Variants in REPS2 observed in about 807,000 individuals in gnomAD.
REPS2 encodes the protein RALBP1 associated Eps domain containing 2, also known as ralBP1-associated Eps domain-containing protein 2.
Under a neutral mutation model 53.6 loss-of-function variants are expected in REPS2, and 23 were observed. The ratio of observed to expected loss-of-function variants is 0.43; its 90% CI spans 0.31 to 0.61. REPS2 has a LOEUF of 0.61. Among genes scored for constraint, REPS2 ranks in the 20% least tolerant of loss-of-function variants. REPS2 has a pLI of 0.11. For synonymous variants in REPS2, 238 were observed against 218.6 expected, an observed-to-expected ratio of 1.09 and a Z score of -0.78; for missense variants, 446 against 534.9, an observed-to-expected ratio of 0.83 and a Z score of 1.64.
At chrX:17,098,224 G>A (rs971578045) in intron 13 of REPS2, among the ~76,000 whole-genome samples, 9 of 111,464 alleles carry the variant, frequency 8.1e-5, no homozygotes, top group Non-Finnish European at 1.5e-4. Flanking sequence ...TTTAATATTA[G>A]ACAATCCAGA....
intron 9 of REPS2, among the ~76,000 whole-genome samples, chrX:17,066,165 G>C (rs1263045001): frequency 8.9e-6 from 1 of 112,026 alleles, no homozygotes; most frequent in Non-Finnish European, 1.9e-5. Context: ...ACAGTGTCTT[G>C]ATAATTTTAG....
chrX:17,074,240 A>C, intron 12 of REPS2, 81 bp downstream of exon 12: 1 of 886,328 alleles, frequency 1.1e-6, no homozygotes, highest in Non-Finnish European at 1.6e-6. Flanking sequence ...CCAAAACCCA[A>C]CCCATGATTT....
chrX:17,021,126 A>T (rs1340704892), intron 2 of REPS2, among the ~76,000 whole-genome samples: 1 of 112,093 alleles, frequency 8.9e-6, no homozygotes, highest in Non-Finnish European at 1.9e-5. Flanking sequence ...GAGCTGATGG[A>T]AGTGCAAAGG....
intron 7 of REPS2, among the ~76,000 whole-genome samples, chrX:17,053,698 T>G (rs1313155352): frequency 8.9e-6 from 1 of 112,113 alleles, no homozygotes; most frequent in African/African-American, 3.2e-5. Context: ...TTGAAAAGAA[T>G]ACCATTTGTT....
chrX:17,113,098 A>C, intron 14 of REPS2, among the ~76,000 whole-genome samples: 1 of 91,376 alleles, frequency 1.1e-5, no homozygotes, highest in Admixed American at 1.3e-4. Flanking sequence ...TCTCAAAAAA[A>C]AAAAAAAAAA....
At chrX:17,040,572 A>G (rs1375832220) in intron 5 of REPS2, among the ~76,000 whole-genome samples, 2 of 112,048 alleles carry the variant, frequency 1.8e-5, no homozygotes, top group East Asian at 5.6e-4. Context: ...AACAAGATTG[A>G]TCAAGCATAA....
At chrX:16,964,933 C>G in intron 1 of REPS2, among the ~76,000 whole-genome samples, 1 of 79,378 alleles carries the variant, frequency 1.3e-5, no homozygotes, top group Admixed American at 1.3e-4. Flanking sequence ...CCACCTCCCT[C>G]CCGGACGGGG....
chrX:17,080,305 CCTCT>C lies in REPS2; in HGVS notation c.1516+2908_1516+2911del, dbSNP rs749508049. Among the ~76,000 whole-genome samples the C allele has an allele frequency of 9.1e-5, 9 of 98,367 alleles. No individual in the cohort carries two copies. The East Asian group carries it at 3.1e-3, about 33-fold the overall frequency. The allele number at this position is 98,367 out of a possible 115,157, so 85.4% of individuals were successfully genotyped here. Reference sequence around the variant, plus strand: ...TTCCTTTCTCACCCTTGCAAACAAACCTCTCTCTCTCTCCACCCCGACCCCCGTG... The same window carrying C: ...TTCCTTTCTCACCCTTGCAAACAAACCTCTCTCTCCACCCCGACCCCCGTG... On this transcript the variant is annotated intron_variant, in intron 13 of 17. Coordinates refer to ENST00000357277, the MANE Select transcript of REPS2 (RefSeq NM_004726.3).
intron 2 of REPS2, among the ~76,000 whole-genome samples, chrX:17,012,828 G>A (rs771934515): frequency 3.6e-5 from 4 of 111,999 alleles, no homozygotes; most frequent in South Asian, 7.4e-4. Flanking sequence ...ATAGTTTGGG[G>A]TAAAATTCTT....
At chrX:16,972,520 C>T (rs760715574) in intron 1 of REPS2, among the ~76,000 whole-genome samples, 1 of 110,682 alleles carries the variant, frequency 9.0e-6, no homozygotes, top group South Asian at 3.9e-4. Context: ...ATGCTCTTAT[C>T]CTCCTGCTTC....
chrX:16,952,871 A>C (rs2060532445), intron 1 of REPS2, among the ~76,000 whole-genome samples: 1 of 111,632 alleles, frequency 9.0e-6, no homozygotes, highest in Non-Finnish European at 1.9e-5. Flanking sequence ...ATTGCCTGTA[A>C]TCCTAGCACT....
the REPS2 span, among the ~76,000 whole-genome samples, chrX:17,166,391 G>C: frequency 8.9e-6 from 1 of 112,142 alleles, no homozygotes; most frequent in Non-Finnish European, 1.9e-5. Context: ...ACAGCCTGCT[G>C]TAATGGGGGA....
At chrX:17,171,358 A>C in the REPS2 span, among the ~76,000 whole-genome samples, 4 of 111,835 alleles carry the variant, frequency 3.6e-5, no homozygotes, top group Admixed American at 2.8e-4. Flanking sequence ...TTAAATGGCC[A>C]GTTCCAACCA....
the REPS2 span, among the ~76,000 whole-genome samples, chrX:17,162,496 G>A: frequency 4.4e-5 from 5 of 112,920 alleles, no homozygotes; most frequent in East Asian, 8.3e-4. Flanking sequence ...TCAGGGCTGC[G>A]TACATGCTCA....
intron 17 of REPS2, among the ~76,000 whole-genome samples, chrX:17,144,111 G>C (rs1196535552): frequency 6.2e-5 from 7 of 112,641 alleles, no homozygotes; most frequent in Non-Finnish European, 1.9e-5. Context: ...GGTCTGGTTG[G>C]AGTGTCCAGA....
At chrX:17,056,485 C>G (rs902590203) in intron 8 of REPS2, among the ~76,000 whole-genome samples, 6 of 111,338 alleles carry the variant, frequency 5.4e-5, no homozygotes, top group African/African-American at 2.0e-4. Flanking sequence ...GTCAGGAGAT[C>G]GAGACCATCC....
intron 1 of REPS2, among the ~76,000 whole-genome samples, chrX:16,955,013 A>C (rs2060575852): frequency 9.2e-6 from 1 of 109,075 alleles, no homozygotes. Context: ...GGGTTTCGCC[A>C]TGTTGACTAG....
At position 17,151,406 on chromosome X, in the gene REPS2, G is replaced by A. The variant is rs937424603; in HGVS notation, c.*3925G>A. 1 of 112,506 alleles carries A rather than the reference G, an allele frequency of 8.9e-6. No individual in the cohort carries two copies. Among genetic ancestry groups the A allele is most frequent in the Non-Finnish European group, 1.9e-5 (1 of 53,251 alleles). 9.3% of individuals were successfully genotyped at this position (112,506 alleles called of 1,213,427 possible). A position where few individuals can be genotyped will look rare whatever the true frequency, so the allele number is the denominator to read the frequency against. ...TCACAGCCATGGTAATAATAGATGT[G>A]TACTCAGAAGATCAATAAGGTAATA... On this transcript the variant is annotated 3_prime_UTR_variant, in exon 18 of 18. Transcript: ENST00000357277.
chrX:17,104,380 G>A (rs926802885), intron 14 of REPS2, among the ~76,000 whole-genome samples: 3 of 112,096 alleles, frequency 2.7e-5, no homozygotes, highest in Non-Finnish European at 3.8e-5. Flanking sequence ...ACTTTGCAGA[G>A]CTGAAAATGA....
Sources: allele counts gnomAD v4.1 joint callset (sites outside exome capture counted in the v4.1 genomes callset), GRCh38; gene constraint gnomAD v4.1.1; transcripts MANE v1.5; gene names NCBI Gene and HGNC (gene_info 2026-07-23, HGNC 2026-07-21).